HS3ST5: variants seen among roughly 807,000 people sequenced by gnomAD.
The protein encoded by HS3ST5 is heparan sulfate glucosamine 3-O-sulfotransferase 5.
A neutral mutation model predicts 25.4 loss-of-function variants in HS3ST5; 10 were observed. The ratio of observed to expected loss-of-function variants is 0.39; its 90% CI spans 0.24 to 0.67. The LOEUF is 0.67. Ranked by LOEUF, HS3ST5 falls within the 30% of genes least tolerant of loss-of-function variation. The pLI is 0.44. For missense variants in HS3ST5, 324 were observed against 420.7 expected, an observed-to-expected ratio of 0.77 and a Z score of 2.01; for synonymous variants, 170 against 162.4, an observed-to-expected ratio of 1.05 and a Z score of -0.36.
At chr6:114,192,972 C>T (rs1195833053) in intron 2 of HS3ST5, among the ~76,000 whole-genome samples, 2 of 152,150 alleles carry the variant, frequency 1.3e-5, no homozygotes, top group Non-Finnish European at 2.9e-5. Context: ...ATTTCTCCCA[C>T]CTGCCCCCAC....
intron 3 of HS3ST5, among the ~76,000 whole-genome samples, chr6:114,104,974 G>GA (rs1035985765): frequency 6.8e-5 from 10 of 146,224 alleles, no homozygotes; most frequent in Admixed American, 2.0e-4. Flanking sequence ...ACAGAAAAAG[G>GA]AAAAAAAAAA....
At chr6:114,184,035 TTTC>T (rs1476737925) in intron 2 of HS3ST5, among the ~76,000 whole-genome samples, 2 of 151,128 alleles carry the variant, frequency 1.3e-5, no homozygotes, top group African/African-American at 4.9e-5. Context: ...GCTGAGAAGA[TTTC>T]TTTTCTTTTT....
chr6:114,296,565 C>T lies in HS3ST5; in HGVS notation c.-339+45630G>A, dbSNP rs146205594. On this transcript the variant is annotated intron_variant, in intron 1 of 4. Transcript: ENST00000312719. The stretch of plus-strand genomic sequence containing the variant: ...AAAATTCATGTGTGGATATATATTC[C>T]GAAAGATGTTGTTTTCCCACTATTC... 6.1e-3 allele frequency among the ~76,000 whole-genome samples: 925 copies of T among 152,004 alleles called. 3 individuals are homozygous for T. The highest frequency in any genetic ancestry group is 0.014 in the African/African-American group (581 of 41,432).
chr6:114,208,291 G>A (rs901210947), intron 2 of HS3ST5, among the ~76,000 whole-genome samples: 13 of 152,216 alleles, frequency 8.5e-5, no homozygotes, highest in African/African-American at 2.9e-4. Context: ...TAGTTTATGA[G>A]GGCCTAATTT....
chr6:114,280,487 T>A (rs1023974568), intron 1 of HS3ST5, among the ~76,000 whole-genome samples: 1 of 151,980 alleles, frequency 6.6e-6, no homozygotes, highest in Non-Finnish European at 1.5e-5. Flanking sequence ...GGAAAGAGAA[T>A]CTGGGCCAGC....
chr6:114,201,677 C>T (rs1781021943), intron 2 of HS3ST5, among the ~76,000 whole-genome samples: 1 of 151,932 alleles, frequency 6.6e-6, no homozygotes, highest in Non-Finnish European at 1.5e-5. Flanking sequence ...TCTCAGGCTG[C>T]TAATAAAGAC....
chr6:114,299,542 G>A (rs1187172262), intron 1 of HS3ST5, among the ~76,000 whole-genome samples: 1 of 152,004 alleles, frequency 6.6e-6, no homozygotes, highest in Non-Finnish European at 1.5e-5. Context: ...GGAACCTACC[G>A]ACATGTGATG....
At chr6:114,174,821 C>T (rs546845681) in intron 2 of HS3ST5, among the ~76,000 whole-genome samples, 1 of 152,054 alleles carries the variant, frequency 6.6e-6, no homozygotes, top group East Asian at 1.9e-4. Context: ...GGTGAAACCC[C>T]ATCTCTACTA....
At chr6:114,265,304 C>T (rs979710769) in intron 1 of HS3ST5, among the ~76,000 whole-genome samples, 4 of 152,224 alleles carry the variant, frequency 2.6e-5, no homozygotes, top group East Asian at 1.9e-4. Flanking sequence ...GTCTAAAACA[C>T]GTGTGTGGGG....
At chr6:114,232,452 C>CA (rs1186689823) in intron 1 of HS3ST5, among the ~76,000 whole-genome samples, 3 of 152,110 alleles carry the variant, frequency 2.0e-5, no homozygotes, top group African/African-American at 7.2e-5. Context: ...CAGCCTCTCA[C>CA]AGTGCCAGGA....
chr6:114,111,964 A>G (rs944092508), intron 3 of HS3ST5, among the ~76,000 whole-genome samples: 1 of 152,056 alleles, frequency 6.6e-6, no homozygotes, highest in Non-Finnish European at 1.5e-5. Context: ...TTACATGACT[A>G]GTGTGTTTCC....
At chr6:114,144,331 A>G (rs1232225614) in intron 3 of HS3ST5, among the ~76,000 whole-genome samples, 1 of 152,102 alleles carries the variant, frequency 6.6e-6, no homozygotes, top group Admixed American at 6.5e-5. Flanking sequence ...AAGAGTTCAC[A>G]TTATTAACTG....
intron 3 of HS3ST5, among the ~76,000 whole-genome samples, chr6:114,137,570 T>C (rs186536942): frequency 6.6e-6 from 1 of 152,296 alleles, no homozygotes; most frequent in Admixed American, 6.5e-5. Flanking sequence ...AGGACCTTTT[T>C]CAGGTGTCCA....
intron 3 of HS3ST5, among the ~76,000 whole-genome samples, chr6:114,092,321 C>T (rs1030855434): frequency 1.1e-4 from 17 of 152,142 alleles, no homozygotes; most frequent in African/African-American, 3.4e-4. Context: ...GTGAATGAAG[C>T]GGGGCCTTGA....
chr6:114,129,486 A>G (rs1582632534), intron 3 of HS3ST5, among the ~76,000 whole-genome samples: 1 of 151,954 alleles, frequency 6.6e-6, no homozygotes, highest in Non-Finnish European at 1.5e-5. Flanking sequence ...CGATCTCCTG[A>G]CCTCGTGATC....
chr6:114,280,118 G>C (rs1411179550), intron 1 of HS3ST5, among the ~76,000 whole-genome samples: 1 of 151,764 alleles, frequency 6.6e-6, no homozygotes, highest in East Asian at 1.9e-4. Context: ...AGTTTTCCAG[G>C]ATAAAGATGT....
intron 2 of HS3ST5, among the ~76,000 whole-genome samples, chr6:114,169,610 A>G (rs182410946): frequency 2.6e-5 from 4 of 152,324 alleles, no homozygotes; most frequent in Admixed American, 2.6e-4. Flanking sequence ...CATATCCATA[A>G]GCCTGCTGAC....
intron 3 of HS3ST5, among the ~76,000 whole-genome samples, chr6:114,133,933 T>G (rs983683959): frequency 1.3e-5 from 2 of 151,474 alleles, no homozygotes; most frequent in African/African-American, 4.9e-5. Flanking sequence ...GGAGCAAGAC[T>G]GGGATGTGAT....
intron 2 of HS3ST5, among the ~76,000 whole-genome samples, chr6:114,218,583 G>A (rs538865795): frequency 2.0e-5 from 3 of 152,268 alleles, no homozygotes; most frequent in South Asian, 2.1e-4. Flanking sequence ...GCGAGGTTTC[G>A]AAGGAATGAT....
Sources: gnomAD v4.1 joint callset for allele counts (sites outside exome capture counted in the v4.1 genomes callset) on GRCh38, gnomAD v4.1.1 for gene constraint, MANE v1.5 for transcripts, NCBI Gene and HGNC (gene_info 2026-07-23, HGNC 2026-07-21) for gene names.